The following RAB27B variants were observed in gnomAD, a reference collection of about 807,000 sequenced individuals.
RAB27B encodes ras-related protein Rab-27B.
A neutral mutation model predicts 24.6 loss-of-function variants in RAB27B; 15 were observed. That is an observed-to-expected ratio of 0.61 (90% CI 0.41 to 0.94). The LOEUF is 0.94. RAB27B is among the 40% of genes least tolerant of loss of function. The probability of loss-of-function intolerance (pLI) is 0.00; values close to 1 mark genes in which losing one functional copy is unlikely to be tolerated. For synonymous variants in RAB27B, 105 were observed against 92.5 expected (o/e 1.14, Z -0.78); for missense variants, 261 against 266.8 (o/e 0.98, Z 0.15).
Position 54,838,558 on chromosome 18 carries a change from CTG to C in RAB27B, c.-20+9862_-20+9863del, listed in dbSNP as rs530962187. Among the ~76,000 whole-genome samples, 16 of 152,266 alleles carry C rather than the reference CTG, an allele frequency of 1.1e-4. No individual in the cohort carries two copies. The South Asian group carries it at 2.5e-3, about 24-fold the overall frequency. On this transcript the variant is annotated intron_variant, in intron 1 of 5. Coordinates refer to ENST00000262094, the MANE Select transcript of RAB27B (RefSeq NM_004163.4). ...CCTACTTGTTCGATTGAGATATTCT[CTG>C]TGTTCTTTCTGGATTTCAGGTGTAT...
At chr18:54,857,126 C>T (rs944950828) in intron 1 of RAB27B, among the ~76,000 whole-genome samples, 5 of 152,106 alleles carry the variant, frequency 3.3e-5, no homozygotes, top group Admixed American at 6.5e-5. Flanking sequence ...TATACAGTTC[C>T]CAGGAAACTT....
intron 2 of RAB27B, among the ~76,000 whole-genome samples, chr18:54,782,049 G>C (rs1908934580): frequency 6.6e-6 from 1 of 152,196 alleles, no homozygotes; most frequent in South Asian, 2.1e-4. Context: ...AGTATAAAGA[G>C]TAAGGTTTTA....
chr18:54,819,315 ATAAT>A (rs1324317318), intron 2 of RAB27B, among the ~76,000 whole-genome samples: 3 of 148,548 alleles, frequency 2.0e-5, no homozygotes, highest in African/African-American at 7.3e-5. Flanking sequence ...AAAATAAAAA[ATAAT>A]TCCTTATAGT....
At chr18:54,771,137 T>C (rs1263706443) in intron 2 of RAB27B, among the ~76,000 whole-genome samples, 2 of 152,100 alleles carry the variant, frequency 1.3e-5, no homozygotes, top group Non-Finnish European at 2.9e-5. Context: ...ATCCAGAAAA[T>C]GCTGACTTCT....
chr18:54,784,406 C>A (rs141106985), intron 2 of RAB27B, among the ~76,000 whole-genome samples: 1 of 152,140 alleles, frequency 6.6e-6, no homozygotes, highest in Admixed American at 6.5e-5. Flanking sequence ...GCCCAGGAAG[C>A]AAACATTGTA....
Position 54,728,900 on chromosome 18 carries a change from ACCCAAAAAAAAAAAAAAAAAAAAC to A in RAB27B, c.-20+10761_-20+10784del, listed in dbSNP as rs1568044208. Among the ~76,000 whole-genome samples, 51 of 64,008 alleles carry A rather than the reference ACCCAAAAAAAAAAAAAAAAAAAAC, an allele frequency of 8.0e-4. 2 individuals are homozygous for A. The highest frequency in any genetic ancestry group is 2.8e-3 in the African/African-American group (49 of 17,672). 42.0% of individuals were successfully genotyped at this position (64,008 alleles called of 152,430 possible). A position where few individuals can be genotyped will look rare whatever the true frequency, so the allele number is the denominator to read the frequency against. On this transcript the variant is annotated intron_variant, in intron 2 of 4. Transcript: ENST00000586570. ...CAAAAAAAAAAAAAAAAAAAAAAAA[ACCCAAAAAAAAAAAAAAAAAAAAC>A]CACCACCAAAGGAAACCTGCCTACA... is the stretch of plus-strand genomic sequence containing the variant.
intron 1 of RAB27B, among the ~76,000 whole-genome samples, chr18:54,852,006 A>T (rs562302956): frequency 6.6e-6 from 1 of 152,308 alleles, no homozygotes; most frequent in East Asian, 1.9e-4. Flanking sequence ...ACAGGACTTG[A>T]GCATTCTGTG....
intron 1 of RAB27B, among the ~76,000 whole-genome samples, chr18:54,868,436 T>C (rs1912328800): frequency 6.6e-6 from 1 of 152,166 alleles, no homozygotes; most frequent in South Asian, 2.1e-4. Flanking sequence ...GTGAGTGAAT[T>C]AAACCTTTTT....
At chr18:54,729,423 G>A (rs1050707646) in intron 2 of RAB27B, among the ~76,000 whole-genome samples, 8 of 152,128 alleles carry the variant, frequency 5.3e-5, no homozygotes, top group Non-Finnish European at 7.4e-5. Flanking sequence ...CTAGAAAGGA[G>A]CCTACATCCT....
chr18:54,816,724 C>T (rs1910132852), intron 2 of RAB27B, among the ~76,000 whole-genome samples: 1 of 152,148 alleles, frequency 6.6e-6, no homozygotes, highest in Non-Finnish European at 1.5e-5. Context: ...CTGATTGCCA[C>T]AAATCCATTT....
intron 4 of RAB27B, among the ~76,000 whole-genome samples, chr18:54,887,738 T>C (rs996905673): frequency 6.6e-6 from 1 of 152,158 alleles, no homozygotes; most frequent in Non-Finnish European, 1.5e-5. Flanking sequence ...GCACCTAACA[T>C]TTACTAAATG....
At chr18:54,853,456 A>C (rs1911664718) in intron 1 of RAB27B, among the ~76,000 whole-genome samples, 1 of 152,172 alleles carries the variant, frequency 6.6e-6, no homozygotes, top group Admixed American at 6.5e-5. Context: ...TATATCCATG[A>C]AACCACAATT....
intron 2 of RAB27B, among the ~76,000 whole-genome samples, chr18:54,737,240 C>G (rs1004069088): frequency 6.6e-6 from 1 of 152,134 alleles, no homozygotes; most frequent in Non-Finnish European, 1.5e-5. Flanking sequence ...GGCTTCTTCC[C>G]TGGATGGGTT....
In RAB27B at chr18:54,889,496, G is replaced by A; in HGVS notation, c.*83G>A. 1 of 1,253,272 alleles carries A rather than the reference G, an allele frequency of 8.0e-7. No homozygotes were observed. The highest frequency in any genetic ancestry group is 1.7e-5 in the South Asian group (1 of 60,466). 77.6% of individuals were successfully genotyped at this position (1,253,272 alleles called of 1,614,324 possible). A position where few individuals can be genotyped will look rare whatever the true frequency, so the allele number is the denominator to read the frequency against. The stretch of plus-strand genomic sequence containing the variant: ...TGACAAACCACACAATTGTTGTTGA[G>A]TAAACCACGCACAATGGCATGTCTT... On this transcript the variant is annotated 3_prime_UTR_variant, in exon 6 of 6. Coordinates refer to ENST00000262094, the MANE Select transcript of RAB27B (RefSeq NM_004163.4).
intron 1 of RAB27B, among the ~76,000 whole-genome samples, chr18:54,844,403 C>CTTTTT (rs1568092666): frequency 1.0e-5 from 1 of 95,272 alleles, no homozygotes; most frequent in African/African-American, 4.0e-5. Flanking sequence ...TCTTTCTTTT[C>CTTTTT]TTTTCTTTTT....
chr18:54,818,690 C>T (rs1462191654), intron 2 of RAB27B, among the ~76,000 whole-genome samples: 1 of 152,166 alleles, frequency 6.6e-6, no homozygotes, highest in Non-Finnish European at 1.5e-5. Flanking sequence ...CCCACTAAGA[C>T]ATGCATCTGA....
chr18:54,850,356 A>ATATATATATATATATATATG (rs1304515980), intron 1 of RAB27B, among the ~76,000 whole-genome samples: 53 of 139,234 alleles, frequency 3.8e-4, no homozygotes, highest in African/African-American at 1.4e-3. Flanking sequence ...ATATATATAT[A>ATATATATATATATATATATG]TATACATACA....
At chr18:54,856,297 G>A (rs1432396551) in intron 1 of RAB27B, among the ~76,000 whole-genome samples, 4 of 152,200 alleles carry the variant, frequency 2.6e-5, no homozygotes, top group African/African-American at 9.7e-5. Flanking sequence ...AGGCCCTGGG[G>A]CAGGGTGAAA....
intron 2 of RAB27B, among the ~76,000 whole-genome samples, chr18:54,718,962 A>G (rs976886889): frequency 6.6e-6 from 1 of 152,228 alleles, no homozygotes; most frequent in Non-Finnish European, 1.5e-5. Context: ...ATTTGTATAC[A>G]TTATGCCAAA....
Sources: allele counts gnomAD v4.1 joint callset (sites outside exome capture counted in the v4.1 genomes callset), GRCh38; gene constraint gnomAD v4.1.1; transcripts MANE v1.5; gene names NCBI Gene and HGNC (gene_info 2026-07-23, HGNC 2026-07-21).